Variants in ARHGAP21 observed in about 807,000 individuals in gnomAD.
The protein encoded by ARHGAP21 is Rho GTPase activating protein 21, also known as rho GTPase-activating protein 21.
Under a neutral mutation model 164.6 loss-of-function variants are expected in ARHGAP21, and 38 were observed. The ratio of observed to expected loss-of-function variants is 0.23; its 90% CI spans 0.18 to 0.30. The LOEUF (loss-of-function observed/expected upper bound fraction) is 0.30, where lower values mean the gene tolerates loss of function less well. ARHGAP21 is among the 10% of genes least tolerant of loss of function. The pLI is 1.00. For missense variants in ARHGAP21, 1,822 were observed against 2,370.7 expected (o/e 0.77, Z 4.81); for synonymous variants, 766 against 857.9 (o/e 0.89, Z 1.87).
chr10:24,591,480 G>A (rs758844839), intron 23 of ARHGAP21, 150 bp from the exon 24 acceptor site: 93 of 1,110,998 alleles, frequency 8.4e-5, no homozygotes, highest in Non-Finnish European at 1.1e-4. Flanking sequence ...TGCAAAATAA[G>A]CACCGTACTT....
At chr10:24,681,598 A>AT (rs1458501483) in intron 2 of ARHGAP21, among the ~76,000 whole-genome samples, 1 of 152,052 alleles carries the variant, frequency 6.6e-6, no homozygotes, top group Non-Finnish European at 1.5e-5. Flanking sequence ...TGTAACTAAG[A>AT]TTACAAGCCT....
intron 25 of ARHGAP21, 122 bp downstream of exon 25, chr10:24,589,149 G>T (rs1363364459): frequency 1.6e-5 from 14 of 860,762 alleles, no homozygotes; most frequent in Admixed American, 1.2e-4. Context: ...TTAATTTTTT[G>T]ATTATACTTT....
chr10:24,682,129 A>G (rs979545976), intron 2 of ARHGAP21, among the ~76,000 whole-genome samples: 2 of 152,096 alleles, frequency 1.3e-5, no homozygotes, highest in Non-Finnish European at 2.9e-5. Context: ...AAAAAAAAAC[A>G]TAGGGGTCAC....
intron 25 of ARHGAP21, among the ~76,000 whole-genome samples, chr10:24,588,784 C>CAAGACTATACTGTCTGTAA (rs1174702583): frequency 6.6e-6 from 1 of 152,080 alleles, no homozygotes; most frequent in African/African-American, 2.4e-5. Flanking sequence ...ACTGAAAAGG[C>CAAGACTATACTGTCTGTAA]AAGACTATAC....
At chr10:24,689,834 GTGTATATATA>G (rs1842553447) in intron 2 of ARHGAP21, among the ~76,000 whole-genome samples, 1 of 147,670 alleles carries the variant, frequency 6.8e-6, no homozygotes, top group African/African-American at 2.5e-5. Context: ...ATATATGTAT[GTGTATATATA>G]TGTATATATG....
chr10:24,635,038 G>T lies in ARHGAP21; in HGVS notation c.334C>A (p.Pro112Thr). Residue 112 changes from proline (P) to threonine (T), a missense_variant, in exon 5 of 26, where the codon CCT becomes ACT. By Grantham distance (38) the Pro-to-Thr change is conservative (BLOSUM62 -1). Around this residue, in one of 5 missense-constraint regions of ARHGAP21, gnomAD observed 1,090 missense variants for 1,378.9 expected, o/e 0.79. Coordinates refer to ENST00000396432, the MANE Select transcript of ARHGAP21 (RefSeq NM_020824.4). ...IFVKQVKEGG[P>T]AFEAGLCTGD... ...GTACATAATCCAGCTTCAAAAGCAGGTCCTCCTTCTTTAACTTGCTTAACA... is the reference window on the plus strand; with the variant it reads ...GTACATAATCCAGCTTCAAAAGCAGTTCCTCCTTCTTTAACTTGCTTAACA... 2 of 1,599,086 alleles carry T rather than the reference G, an allele frequency of 1.3e-6. No individual in the cohort carries two copies. The highest frequency in any genetic ancestry group is 1.7e-6 in the Non-Finnish European group (2 of 1,174,274).
intron 9 of ARHGAP21, among the ~76,000 whole-genome samples, chr10:24,608,789 CTT>C (rs2077137783): frequency 6.6e-6 from 1 of 151,968 alleles, no homozygotes; most frequent in South Asian, 2.1e-4. Flanking sequence ...AAAAGCAGCT[CTT>C]TACATTTTAG....
intron 4 of ARHGAP21, among the ~76,000 whole-genome samples, chr10:24,661,065 T>C (rs1839642612): frequency 6.6e-6 from 1 of 151,712 alleles, no homozygotes; most frequent in South Asian, 2.1e-4. Context: ...ACTATTCTTA[T>C]TTTGATTATT....
At chr10:24,625,609 C>T (rs1454324001) in intron 7 of ARHGAP21, among the ~76,000 whole-genome samples, 1 of 152,110 alleles carries the variant, frequency 6.6e-6, no homozygotes, top group East Asian at 1.9e-4. Context: ...AAGTAAACTG[C>T]TGCTAACCTG....
intron 7 of ARHGAP21, among the ~76,000 whole-genome samples, chr10:24,624,591 C>T (rs911533320): frequency 1.3e-5 from 2 of 151,828 alleles, no homozygotes; most frequent in African/African-American, 2.4e-5. Flanking sequence ...CCACCTGCCT[C>T]GGACTCCCAA....
intron 21 of ARHGAP21, 111 bp from the exon 22 acceptor site, chr10:24,592,123 A>T: frequency 4.9e-6 from 4 of 816,092 alleles, no homozygotes; most frequent in Non-Finnish European, 5.2e-6. Flanking sequence ...AATAGCTTTG[A>T]TGTAGATTAA....
At chr10:24,641,929 G>A (rs1837072021) in intron 4 of ARHGAP21, among the ~76,000 whole-genome samples, 1 of 151,696 alleles carries the variant, frequency 6.6e-6, no homozygotes, top group African/African-American at 2.4e-5. Context: ...ACGGGAGGTG[G>A]AGGTTGCAGT....
At chr10:24,689,832 A>G (rs992973444) in intron 2 of ARHGAP21, among the ~76,000 whole-genome samples, 2 of 148,464 alleles carry the variant, frequency 1.3e-5, no homozygotes, top group African/African-American at 2.5e-5. Context: ...GTATATATGT[A>G]TGTGTATATA....
intron 16 of ARHGAP21, 63 bp from the exon 17 acceptor site, chr10:24,596,945 C>T (rs879245675): frequency 6.6e-7 from 1 of 1,515,082 alleles, no homozygotes; most frequent in South Asian, 1.3e-5. Flanking sequence ...TAAATCATGA[C>T]TTTAAAAACA....
chr10:24,605,232 A>G (rs2076973394), intron 11 of ARHGAP21, among the ~76,000 whole-genome samples: 1 of 152,144 alleles, frequency 6.6e-6, no homozygotes, highest in South Asian at 2.1e-4. Context: ...AGATCTCAAA[A>G]CTGCACTACA....
intron 3 of ARHGAP21, among the ~76,000 whole-genome samples, chr10:24,669,193 GA>G (rs935452034): frequency 2.0e-5 from 3 of 151,076 alleles, no homozygotes; most frequent in Admixed American, 6.6e-5. Flanking sequence ...AAAAGAAAAG[GA>G]AAAAAAAGAG....
At chr10:24,671,886 T>A (rs975734772) in intron 2 of ARHGAP21, among the ~76,000 whole-genome samples, 2 of 43,306 alleles carry the variant, frequency 4.6e-5, no homozygotes, top group African/African-American at 1.6e-4. Flanking sequence ...TCAAGCTAAT[T>A]TTTTTTTTTT....
At chr10:24,715,693 G>A (rs1845306756) in intron 2 of ARHGAP21, among the ~76,000 whole-genome samples, 1 of 152,144 alleles carries the variant, frequency 6.6e-6, no homozygotes, top group South Asian at 2.1e-4. Context: ...ATTTCATACT[G>A]TACATATTTT....
At chr10:24,714,158 G>A (rs1845131279) in intron 2 of ARHGAP21, 1 of 152,140 alleles carries the variant, frequency 6.6e-6, no homozygotes, top group Non-Finnish European at 1.5e-5. Context: ...TTCTGTAACA[G>A]AAAATAGCTG....
Sources: allele counts gnomAD v4.1 joint callset (sites outside exome capture counted in the v4.1 genomes callset), GRCh38; gene constraint gnomAD v4.1.1; regional missense constraint gnomAD v4.1.1; transcripts MANE v1.5; gene names NCBI Gene and HGNC (gene_info 2026-07-23, HGNC 2026-07-21).